Variants in ABCC4 observed in about 807,000 individuals in gnomAD.
ABCC4 encodes ATP-binding cassette sub-family C member 4.
ABCC4 carries 102 observed loss-of-function variants against 168.5 expected under a neutral mutation model. The ratio of observed to expected loss-of-function variants is 0.61; its 90% CI spans 0.52 to 0.71. The LOEUF (loss-of-function observed/expected upper bound fraction) is 0.71, where lower values mean the gene tolerates loss of function less well. Among genes scored for constraint, ABCC4 ranks in the 30% least tolerant of loss-of-function variants. The probability of loss-of-function intolerance (pLI) is 0.00; values close to 1 mark genes in which losing one functional copy is unlikely to be tolerated. For missense variants in ABCC4, 1,402 were observed against 1,605.8 expected (o/e 0.87, Z 2.17); for synonymous variants, 617 against 590.7 (o/e 1.04, Z -0.65).
At chr13:95,185,190 T>C (rs930701037) in intron 11 of ABCC4, among the ~76,000 whole-genome samples, 3 of 152,112 alleles carry the variant, frequency 2.0e-5, no homozygotes, top group Non-Finnish European at 2.9e-5. Context: ...CACTGGGAAA[T>C]CATGGCAAAA....
intron 19 of ABCC4, among the ~76,000 whole-genome samples, chr13:95,157,091 CACACA>C: frequency 1.4e-5 from 1 of 70,994 alleles, no homozygotes; most frequent in East Asian, 1.5e-3. Context: ...GACTCTACCA[CACACA>C]CACACACACA....
intron 20 of ABCC4, among the ~76,000 whole-genome samples, chr13:95,091,204 A>G (rs1324476565): frequency 6.6e-6 from 1 of 152,238 alleles, no homozygotes; most frequent in Non-Finnish European, 1.5e-5. Flanking sequence ...GAGAATTCTA[A>G]AAGCTTGGAA....
At chr13:95,126,503 T>C (rs1281725702) in intron 19 of ABCC4, among the ~76,000 whole-genome samples, 1 of 151,808 alleles carries the variant, frequency 6.6e-6, no homozygotes, top group African/African-American at 2.4e-5. Context: ...AAACATTCAG[T>C]GTGAGAACGT....
At chr13:95,081,940 C>A (rs1566401166) in intron 21 of ABCC4, among the ~76,000 whole-genome samples, 1 of 152,148 alleles carries the variant, frequency 6.6e-6, no homozygotes, top group Non-Finnish European at 1.5e-5. Flanking sequence ...GTGGAGGCTG[C>A]AGTAAGCTGA....
chr13:95,292,346 G>T (rs1457466962), intron 1 of ABCC4, among the ~76,000 whole-genome samples: 1 of 152,104 alleles, frequency 6.6e-6, no homozygotes, highest in Non-Finnish European at 1.5e-5. Context: ...GTGACAGAGT[G>T]ACACCCTGTC....
intron 5 of ABCC4, among the ~76,000 whole-genome samples, chr13:95,210,128 T>C (rs1361530994): frequency 1.3e-5 from 2 of 152,202 alleles, no homozygotes; most frequent in Non-Finnish European, 2.9e-5. Flanking sequence ...GCAAAATGAA[T>C]ATGGCCAGCA....
intron 3 of ABCC4, among the ~76,000 whole-genome samples, chr13:95,239,953 T>C (rs1176178627): frequency 6.6e-6 from 1 of 152,226 alleles, no homozygotes; most frequent in Non-Finnish European, 1.5e-5. Context: ...TGATCATGAA[T>C]GGCTCCAAAT....
chr13:95,281,837 T>C (rs1483415962), intron 1 of ABCC4, among the ~76,000 whole-genome samples: 1 of 152,072 alleles, frequency 6.6e-6, no homozygotes, highest in Non-Finnish European at 1.5e-5. Context: ...CCAGGCACTA[T>C]GGCTCACACC....
intron 29 of ABCC4, among the ~76,000 whole-genome samples, chr13:95,042,056 A>G (rs1222993593): frequency 6.6e-6 from 1 of 152,206 alleles, no homozygotes; most frequent in East Asian, 1.9e-4. Flanking sequence ...TCCCAATATC[A>G]TTGGAGAGAT....
intron 1 of ABCC4, 24 bp from the exon 2 acceptor site, chr13:95,247,777 T>A (rs778449549): frequency 1.3e-6 from 2 of 1,583,638 alleles, no homozygotes; most frequent in East Asian, 2.2e-5. Context: ...AAAAGAGACA[T>A]ATATCCAGAA....
intron 24 of ABCC4, among the ~76,000 whole-genome samples, chr13:95,072,181 C>T (rs2033750960): frequency 6.6e-6 from 1 of 152,234 alleles, no homozygotes; most frequent in Non-Finnish European, 1.5e-5. Flanking sequence ...CTTTTGCTGG[C>T]TGGGCGCGGT....
chr13:95,220,610 A>G (rs1333953016), intron 4 of ABCC4, among the ~76,000 whole-genome samples: 3 of 152,230 alleles, frequency 2.0e-5, no homozygotes, highest in African/African-American at 7.2e-5. Context: ...ACAACCAAAC[A>G]TACCAAATGC....
chr13:95,197,856 T>C (rs2038504647), intron 8 of ABCC4, among the ~76,000 whole-genome samples: 1 of 152,164 alleles, frequency 6.6e-6, no homozygotes, highest in African/African-American at 2.4e-5. Context: ...ATCCTTTCCT[T>C]AATAAAAGAA....
At chr13:95,156,047 C>G (rs2036842468) in intron 19 of ABCC4, among the ~76,000 whole-genome samples, 2 of 152,196 alleles carry the variant, frequency 1.3e-5, no homozygotes, top group South Asian at 4.1e-4. Flanking sequence ...AAACATCATA[C>G]AAGCAAATCA....
intron 30 of ABCC4, among the ~76,000 whole-genome samples, chr13:95,025,305 C>CACA: frequency 1.5e-5 from 1 of 67,630 alleles, no homozygotes; most frequent in Non-Finnish European, 2.9e-5. Flanking sequence ...CCACATACGC[C>CACA]CACCCCCCAC....
intron 30 of ABCC4, 113 bp from the exon 31 acceptor site, chr13:95,021,795 A>G (rs2031101659): frequency 2.8e-6 from 2 of 703,304 alleles, no homozygotes; most frequent in Admixed American, 5.3e-5. Flanking sequence ...CATATCCCTC[A>G]CTGAGGCACA....
chr13:95,073,473 G>A (rs879900847), intron 23 of ABCC4, 169 bp from the exon 24 acceptor site: 18 of 452,222 alleles, frequency 4.0e-5, no homozygotes, highest in African/African-American at 5.9e-5. Flanking sequence ...ATACAATGGG[G>A]AAAACAACAC....
At chr13:95,032,676 T>A (rs201099952) in intron 30 of ABCC4, among the ~76,000 whole-genome samples, 1 of 63,288 alleles carries the variant, frequency 1.6e-5, no homozygotes, top group Non-Finnish European at 2.8e-5. Flanking sequence ...TTTTCTTTTT[T>A]TTTTTTGAGA....
At chr13:95,096,123 G>A (rs1225059992) in intron 20 of ABCC4, 1 of 616,476 alleles carries the variant, frequency 1.6e-6, no homozygotes, top group Non-Finnish European at 2.9e-6. Flanking sequence ...GAGGGAGGAG[G>A]ATTGCTTGAG....
Sources: allele counts gnomAD v4.1 joint callset (sites outside exome capture counted in the v4.1 genomes callset), GRCh38; gene constraint gnomAD v4.1.1; transcripts MANE v1.5; gene names NCBI Gene and HGNC (gene_info 2026-07-23, HGNC 2026-07-21).